CADPS: variants seen among roughly 807,000 people sequenced by gnomAD.
CADPS encodes the protein calcium dependent secretion activator, also known as calcium-dependent secretion activator 1.
In CADPS, 57 loss-of-function variants were observed where a neutral mutation model predicts 167.3. The ratio of observed to expected loss-of-function variants is 0.34; its 90% confidence interval spans 0.28 to 0.42. The LOEUF (loss-of-function observed/expected upper bound fraction) is 0.42. Ranked by LOEUF, CADPS falls within the 20% of genes least tolerant of loss-of-function variation. The probability of loss-of-function intolerance (pLI) is 1.00; values close to 1 mark genes in which losing one functional copy is unlikely to be tolerated. For synonymous variants in CADPS, 676 were observed against 635.3 expected (o/e 1.06, Z -0.96); for missense variants, 1,414 against 1,738.1 (o/e 0.81, Z 3.32).
chr3:62,610,724 G>C (rs1378512160), intron 6 of CADPS, among the ~76,000 whole-genome samples: 1 of 152,066 alleles, frequency 6.6e-6, no homozygotes, highest in Non-Finnish European at 1.5e-5. Flanking sequence ...AATAGCAAGG[G>C]GAGTGTGAGA....
chr3:62,708,744 A>G (rs80248423), intron 3 of CADPS, among the ~76,000 whole-genome samples: 11,077 of 152,146 alleles, frequency 0.073, 502 homozygotes, highest in South Asian at 0.16. Context: ...TGACCCTGCT[A>G]TAATTGCCTC....
At chr3:62,580,010 G>A (rs570500554) in intron 8 of CADPS, among the ~76,000 whole-genome samples, 2 of 152,168 alleles carry the variant, frequency 1.3e-5, no homozygotes, top group South Asian at 2.1e-4. Context: ...ATTTGATGAC[G>A]GCCAGGTTTG....
intron 3 of CADPS, among the ~76,000 whole-genome samples, chr3:62,726,669 G>A (rs2076805025): frequency 6.6e-6 from 1 of 151,918 alleles, no homozygotes; most frequent in South Asian, 2.1e-4. Flanking sequence ...CCCATTAAGT[G>A]TATTGATCAA....
chr3:62,856,230 T>C (rs2079657245), intron 1 of CADPS, among the ~76,000 whole-genome samples: 1 of 152,132 alleles, frequency 6.6e-6, no homozygotes, highest in Admixed American at 6.6e-5. Flanking sequence ...ATGCAAGAAG[T>C]CAGTGAAGGA....
In CADPS at chr3:62,549,951, C is replaced by A; in HGVS notation, c.1918G>T (p.Ala640Ser). The A allele has an allele frequency of 6.2e-7, 1 of 1,614,062 alleles. No homozygotes were observed. The highest frequency in any genetic ancestry group is 8.5e-7 in the Non-Finnish European group (1 of 1,179,974). The change falls in exon 11 of 30, where the codon GCC becomes TCC. Residue 640 changes from alanine (A) to serine (S), a missense_variant. Ala to Ser is a moderately conservative substitution (Grantham distance 99). Around this residue, in one of 6 missense-constraint regions of CADPS, gnomAD observed 529 missense variants for 629.6 expected, o/e 0.84. Coordinates refer to ENST00000383710, the MANE Select transcript of CADPS (RefSeq NM_003716.4). ...VPPTQVQKLN[A>S]KGGNVPQLDA... ...AGCTGAGGTACATTTCCTCCCTTGG[C>A]GTTGAGTTTCTGGACTTGGGTCGGG...
intron 3 of CADPS, among the ~76,000 whole-genome samples, chr3:62,729,743 G>C (rs1002301842): frequency 4.0e-5 from 6 of 151,750 alleles, no homozygotes; most frequent in African/African-American, 1.5e-4. Context: ...CCAAGTGCTG[G>C]GTAACCTTGT....
intron 29 of CADPS, among the ~76,000 whole-genome samples, chr3:62,402,249 G>T (rs868845118): frequency 2.1e-4 from 28 of 133,882 alleles, no homozygotes; most frequent in Non-Finnish European, 3.1e-4. Context: ...CGGGGGGGGG[G>T]GGTGCCCAGG....
At chr3:62,545,289 A>G (rs192783046) in intron 11 of CADPS, among the ~76,000 whole-genome samples, 94 of 152,208 alleles carry the variant, frequency 6.2e-4, no homozygotes, top group Admixed American at 1.1e-3. Context: ...TTACTGTTCC[A>G]CTAACACATA....
At chr3:62,679,118 A>C (rs2076747806) in intron 3 of CADPS, among the ~76,000 whole-genome samples, 1 of 151,854 alleles carries the variant, frequency 6.6e-6, no homozygotes, top group Non-Finnish European at 1.5e-5. Context: ...TCTTGTTTTC[A>C]TGGTTCTGTT....
chr3:62,663,740 C>T (rs1579947286), intron 3 of CADPS, among the ~76,000 whole-genome samples: 2 of 151,874 alleles, frequency 1.3e-5, no homozygotes, highest in Admixed American at 1.3e-4. Flanking sequence ...TCACAATTAA[C>T]CTTCTTTGGT....
intron 3 of CADPS, among the ~76,000 whole-genome samples, chr3:62,700,624 C>T (rs892545306): frequency 2.6e-5 from 4 of 152,188 alleles, no homozygotes; most frequent in Middle Eastern, 3.4e-3. Flanking sequence ...GACACCCTAA[C>T]CTCTGTTTAC....
intron 9 of CADPS, among the ~76,000 whole-genome samples, chr3:62,566,508 T>A (rs1182374043): frequency 6.6e-6 from 1 of 152,216 alleles, no homozygotes; most frequent in Non-Finnish European, 1.5e-5. Flanking sequence ...TCTGATGGCA[T>A]TGGGGTTGTT....
intron 6 of CADPS, 58 bp downstream of exon 6, chr3:62,645,664 A>T: frequency 6.3e-7 from 1 of 1,596,686 alleles, no homozygotes; most frequent in East Asian, 2.2e-5. Flanking sequence ...GAGTTGGCCA[A>T]AATGGAACTA....
chr3:62,613,363 A>G (rs1357682221), intron 6 of CADPS, among the ~76,000 whole-genome samples: 1 of 152,142 alleles, frequency 6.6e-6, no homozygotes, highest in Non-Finnish European at 1.5e-5. Flanking sequence ...AAGCATTGGC[A>G]GTTTAGTTAG....
At chr3:62,745,219 A>G (rs925244891) in intron 3 of CADPS, among the ~76,000 whole-genome samples, 3 of 152,080 alleles carry the variant, frequency 2.0e-5, no homozygotes, top group African/African-American at 4.8e-5. Context: ...AGTGTGAGCT[A>G]CCACGCCCAG....
chr3:62,576,291 C>T (rs982765366), intron 8 of CADPS, among the ~76,000 whole-genome samples: 2 of 152,076 alleles, frequency 1.3e-5, no homozygotes, highest in African/African-American at 4.8e-5. Flanking sequence ...GAATTCTGGC[C>T]CTGTCATTAA....
intron 25 of CADPS, 81 bp downstream of exon 25, chr3:62,466,258 A>T: frequency 1.1e-6 from 1 of 948,640 alleles, no homozygotes; most frequent in Non-Finnish European, 1.7e-6. Flanking sequence ...TCAACTTTTT[A>T]ATGTGTTACA....
In CADPS at chr3:62,576,426, C is replaced by T. The variant is rs552216363; in HGVS notation, c.1578-5488G>A. 1.1e-3 allele frequency among the ~76,000 whole-genome samples: 165 copies of T among 152,084 alleles called. 1 individual carries two copies. The highest frequency in any genetic ancestry group is 3.5e-3 in the African/African-American group (145 of 41,502). Reference sequence around the variant, plus strand: ...GGTGATATGTGTCAAGAGCTTAGCACGCTCACTGGCACGTGGTAAGGGCTG... The same window carrying T: ...GGTGATATGTGTCAAGAGCTTAGCATGCTCACTGGCACGTGGTAAGGGCTG... On this transcript the variant is annotated intron_variant, in intron 8 of 29. Coordinates refer to ENST00000383710, the MANE Select transcript of CADPS (RefSeq NM_003716.4).
In CADPS at chr3:62,605,093, A is replaced by G. The variant is rs188009297; in HGVS notation, c.1326-12345T>C. 2.6e-5 allele frequency among the ~76,000 whole-genome samples: 4 copies of G among 152,344 alleles called. No individual in the cohort carries two copies. In the East Asian group the frequency reaches 7.7e-4, roughly 29 times the overall value. Reference sequence around the variant, plus strand: ...TTGAATCTGCCTTAAGACACCTTACAGGCTCCAGAAGACTCAAAAGTTTAC... The same window carrying G: ...TTGAATCTGCCTTAAGACACCTTACGGGCTCCAGAAGACTCAAAAGTTTAC... On this transcript the variant is annotated intron_variant, in intron 6 of 29. Transcript: ENST00000383710.
Sources: gnomAD v4.1 joint callset for allele counts (sites outside exome capture counted in the v4.1 genomes callset) on GRCh38, gnomAD v4.1.1 for gene constraint, gnomAD v4.1.1 regional missense constraint, MANE v1.5 for transcripts, NCBI Gene and HGNC (gene_info 2026-07-23, HGNC 2026-07-21) for gene names.